Variants in PIK3CB observed in about 807,000 individuals in gnomAD.
PIK3CB encodes phosphatidylinositol 4,5-bisphosphate 3-kinase catalytic subunit beta isoform.
A neutral mutation model predicts 136.8 loss-of-function variants in PIK3CB; 39 were observed. The ratio of observed to expected loss-of-function variants is 0.29; its 90% CI spans 0.22 to 0.37. The LOEUF (loss-of-function observed/expected upper bound fraction) is 0.37. Ranked by LOEUF, PIK3CB falls within the 10% of genes least tolerant of loss-of-function variation. The pLI is 1.00. For synonymous variants in PIK3CB, 428 were observed against 436.6 expected (o/e 0.98, Z 0.25); for missense variants, 868 against 1,275.4 (o/e 0.68, Z 4.87).
chr3:138,705,197 A>AAAC (rs2044352025), intron 11 of PIK3CB, among the ~76,000 whole-genome samples: 1 of 142,190 alleles, frequency 7.0e-6, no homozygotes, highest in South Asian at 2.2e-4. Context: ...AAACAAAAAA[A>AAAC]AAAACTTATA....
chr3:138,814,716 CA>C (rs1933220487), intron 1 of PIK3CB, among the ~76,000 whole-genome samples: 1 of 152,028 alleles, frequency 6.6e-6, no homozygotes, highest in Non-Finnish European at 1.5e-5. Context: ...ATAAACTAGT[CA>C]AAACCGCCTA....
intron 10 of PIK3CB, among the ~76,000 whole-genome samples, chr3:138,710,504 A>G (rs1199703089): frequency 6.6e-6 from 1 of 152,224 alleles, no homozygotes; most frequent in Non-Finnish European, 1.5e-5. Context: ...GACAGGAAAA[A>G]AGAAAAAGAA....
intron 8 of PIK3CB, among the ~76,000 whole-genome samples, chr3:138,730,191 T>G (rs2044940053): frequency 6.6e-6 from 1 of 152,136 alleles, no homozygotes; most frequent in African/African-American, 2.4e-5. Context: ...TACCTGTCAT[T>G]AAGCCCATTA....
chr3:138,797,014 A>T (rs1220450421), intron 1 of PIK3CB: 1 of 152,450 alleles, frequency 6.6e-6, no homozygotes, highest in African/African-American at 2.4e-5. Context: ...CACTCCCAAG[A>T]AAAACACGCT....
At chr3:138,830,117 G>A (rs1462576483) in intron 1 of PIK3CB, among the ~76,000 whole-genome samples, 1 of 152,156 alleles carries the variant, frequency 6.6e-6, no homozygotes, top group East Asian at 1.9e-4. Context: ...AACTCAACAA[G>A]AGAAGGAAAA....
chr3:138,743,378 T>A (rs80304969), intron 4 of PIK3CB, among the ~76,000 whole-genome samples: 8,677 of 152,230 alleles, frequency 0.057, 289 homozygotes, highest in South Asian at 0.092. Context: ...CTAGTACACT[T>A]AAATTTTATA....
intron 8 of PIK3CB, 88 bp downstream of exon 8, chr3:138,733,273 C>T (rs2045027529): frequency 1.8e-6 from 1 of 546,552 alleles, no homozygotes; most frequent in Non-Finnish European, 3.3e-6. Context: ...GGGTAAAATT[C>T]AATCTCCAAT....
chr3:138,771,897 G>A (rs1033524483), intron 2 of PIK3CB, among the ~76,000 whole-genome samples: 7 of 148,656 alleles, frequency 4.7e-5, no homozygotes, highest in Admixed American at 1.3e-4. Context: ...ACTCCAGCAC[G>A]GGCAACAGAG....
At chr3:138,692,076 A>T (rs2044021887) in intron 14 of PIK3CB, among the ~76,000 whole-genome samples, 1 of 152,174 alleles carries the variant, frequency 6.6e-6, no homozygotes, top group Non-Finnish European at 1.5e-5. Flanking sequence ...AACTGAGCTC[A>T]ATTAATTAAG....
At chr3:138,676,062 T>TAG (rs2043636148) in intron 19 of PIK3CB, among the ~76,000 whole-genome samples, 1 of 152,180 alleles carries the variant, frequency 6.6e-6, no homozygotes, top group Non-Finnish European at 1.5e-5. Context: ...TTGCAAATAA[T>TAG]TTATCTAAGA....
At position 138,813,716 on chromosome 3, in the gene PIK3CB, C is replaced by T. The variant is rs576294181; in HGVS notation, c.-121-17149G>A. On this transcript the variant is annotated intron_variant, in intron 1 of 23. Transcript: ENST00000674063. ...ACAGGCGTGAGCCACCGCGCCCAGC[C>T]GATTAAGGGCCTACTCTATACCAGG... Among the ~76,000 whole-genome samples the T allele has an allele frequency of 4.6e-5, 7 of 151,142 alleles. No homozygotes were observed. The East Asian group carries it at 7.9e-4, about 17-fold the overall frequency.
chr3:138,665,903 G>A (rs1329515700), intron 19 of PIK3CB, among the ~76,000 whole-genome samples: 1 of 152,080 alleles, frequency 6.6e-6, no homozygotes, highest in African/African-American at 2.4e-5. Flanking sequence ...GGGTTTTCAT[G>A]CTGACTTCTC....
At chr3:138,767,191 A>C (rs987134145) in intron 2 of PIK3CB, among the ~76,000 whole-genome samples, 2 of 152,094 alleles carry the variant, frequency 1.3e-5, no homozygotes, top group Admixed American at 6.6e-5. Context: ...GAAACCAAAA[A>C]CAAAAACAAA....
chr3:138,778,295 C>A, intron 2 of PIK3CB: 1 of 374,318 alleles, frequency 2.7e-6, no homozygotes, highest in Admixed American at 3.3e-5. Context: ...CTGCTTAGCA[C>A]CACTGGCCAA....
chr3:138,822,995 A>T lies in PIK3CB; in HGVS notation c.-122+11700T>A, dbSNP rs183901870. Among the ~76,000 whole-genome samples, 234 of 145,638 alleles carry T rather than the reference A, an allele frequency of 1.6e-3. 1 individual carries two copies. Among genetic ancestry groups the T allele is most frequent in the African/African-American group, 5.7e-3 (228 of 40,086 alleles). ...ATTTGCAGTGGCGTGATCTCGGCTC[A>T]CTGCAGCCTCCGCCTCCTGGGTTCA... On this transcript the variant is annotated intron_variant, in intron 1 of 23. Transcript: ENST00000674063.
chr3:138,678,310 G>A (rs1449151600), intron 19 of PIK3CB, among the ~76,000 whole-genome samples: 1 of 152,040 alleles, frequency 6.6e-6, no homozygotes, highest in African/African-American at 2.4e-5. Flanking sequence ...TGGCAGCAGT[G>A]AGCTATGATC....
At chr3:138,693,954 TATATATATATATTA>T (rs1216436052) in intron 14 of PIK3CB, among the ~76,000 whole-genome samples, 2 of 35,870 alleles carry the variant, frequency 5.6e-5, no homozygotes, top group Non-Finnish European at 8.3e-5. Flanking sequence ...TATATATATA[TATATATATATATTA>T]TATATATATA....
Position 138,719,647 on chromosome 3 carries a change from AG to A in PIK3CB, c.1051-4929del, listed in dbSNP as rs148537715. On this transcript the variant is annotated intron_variant, in intron 8 of 23. Transcript: ENST00000674063. ...CAATTACTTTGTTTCTCTAAATAAAAGTTTAGTTGCCTGTAAGAACCATACA... is the reference window on the plus strand; with the variant it reads ...CAATTACTTTGTTTCTCTAAATAAAATTTAGTTGCCTGTAAGAACCATACA... Among the ~76,000 whole-genome samples, 97 of 152,316 alleles carry A rather than the reference AG, an allele frequency of 6.4e-4. 1 individual carries two copies. In the East Asian group the frequency reaches 0.015, roughly 24 times the overall value.
Position 138,834,814 on chromosome 3 carries a change from C to T in PIK3CB, c.-241G>A. 1 of 153,196 alleles carries T rather than the reference C, an allele frequency of 6.5e-6. No homozygotes were observed. Among genetic ancestry groups the T allele is most frequent in the Non-Finnish European group, 1.4e-5 (1 of 69,168 alleles). 9.5% of individuals were successfully genotyped at this position (153,196 alleles called of 1,614,324 possible). A position where few individuals can be genotyped will look rare whatever the true frequency, so the allele number is the denominator to read the frequency against. ...CCTGCCTCTCTCGATCACCTCCCGCCTGCCCCGCGCAGCACTACACTCGCC... is the reference window on the plus strand; with the variant it reads ...CCTGCCTCTCTCGATCACCTCCCGCTTGCCCCGCGCAGCACTACACTCGCC... On this transcript the variant is annotated 5_prime_UTR_variant, in exon 1 of 24. Coordinates refer to ENST00000674063, the MANE Select transcript of PIK3CB (RefSeq NM_006219.3).
Sources: allele counts gnomAD v4.1 joint callset (sites outside exome capture counted in the v4.1 genomes callset), GRCh38; gene constraint gnomAD v4.1.1; transcripts MANE v1.5; gene names NCBI Gene and HGNC (gene_info 2026-07-23, HGNC 2026-07-21).